SNX29: variants seen among roughly 807,000 people sequenced by gnomAD.
SNX29 encodes the protein sorting nexin-29.
In SNX29, 78 loss-of-function variants were observed where a neutral mutation model predicts 102.1. That is an observed-to-expected ratio of 0.76 (90% CI 0.64 to 0.92). The LOEUF (loss-of-function observed/expected upper bound fraction) is 0.92. Among genes scored for constraint, SNX29 ranks in the 40% least tolerant of loss-of-function variants. The probability of loss-of-function intolerance (pLI) is 0.00; values close to 1 mark genes in which losing one functional copy is unlikely to be tolerated. For synonymous variants in SNX29, 580 were observed against 414.5 expected, an observed-to-expected ratio of 1.40 and a Z score of -4.85; for missense variants, 1,280 against 1,061.7, an observed-to-expected ratio of 1.21 and a Z score of -2.86.
chr16:12,474,064 A>T (rs2087480517), intron 18 of SNX29, among the ~76,000 whole-genome samples: 1 of 151,946 alleles, frequency 6.6e-6, no homozygotes, highest in Non-Finnish European at 1.5e-5. Context: ...TGGGGTCTGG[A>T]TTGGAGCCCC....
At position 12,569,753 on chromosome 16, in the gene SNX29, A is replaced by G. The variant is rs1277457231; in HGVS notation, c.*1124A>G. The G allele has an allele frequency of 8.7e-6, 2 of 230,480 alleles. No individual in the cohort carries two copies. The highest frequency in any genetic ancestry group is 4.4e-5 in the African/African-American group (2 of 45,178). 14.3% of individuals were successfully genotyped at this position (230,480 alleles called of 1,614,324 possible). Reference sequence around the variant, plus strand: ...AGCCCCCAGGGCTCCTCCTCCAGTGAGCTCACATCAGAGCACCTCACAGAG... The same window carrying G: ...AGCCCCCAGGGCTCCTCCTCCAGTGGGCTCACATCAGAGCACCTCACAGAG... On this transcript the variant is annotated 3_prime_UTR_variant, in exon 21 of 21. Coordinates refer to ENST00000566228, the MANE Select transcript of SNX29 (RefSeq NM_032167.5).
chr16:12,214,642 G>C (rs1482385401), intron 14 of SNX29, among the ~76,000 whole-genome samples: 1 of 151,972 alleles, frequency 6.6e-6, no homozygotes, highest in African/African-American at 2.4e-5. Context: ...CTCCTGGTCT[G>C]GGCTTAATTC....
chr16:12,059,739 A>T (rs967013696), intron 8 of SNX29, among the ~76,000 whole-genome samples: 1 of 152,168 alleles, frequency 6.6e-6, no homozygotes, highest in Non-Finnish European at 1.5e-5. Context: ...TGAAGCCTGA[A>T]ATATGTACTC....
chr16:12,173,153 T>G (rs2076185722), intron 13 of SNX29, among the ~76,000 whole-genome samples: 1 of 152,180 alleles, frequency 6.6e-6, no homozygotes, highest in South Asian at 2.1e-4. Context: ...AACCTCTGAT[T>G]GGTGAGTGAC....
intron 16 of SNX29, among the ~76,000 whole-genome samples, chr16:12,373,326 C>A (rs756134563): frequency 6.6e-6 from 1 of 152,118 alleles, no homozygotes; most frequent in Non-Finnish European, 1.5e-5. Flanking sequence ...GATGGGGTTT[C>A]ACTATATGGC....
chr16:12,546,892 G>A (rs999495109), intron 20 of SNX29, among the ~76,000 whole-genome samples: 7 of 152,220 alleles, frequency 4.6e-5, no homozygotes, highest in African/African-American at 1.4e-4. Flanking sequence ...TCCAGGGCTA[G>A]GAGTGCAGCT....
intron 18 of SNX29, among the ~76,000 whole-genome samples, chr16:12,445,173 A>G (rs962935056): frequency 1.3e-4 from 20 of 150,142 alleles, no homozygotes; most frequent in Non-Finnish European, 2.6e-4. Context: ...TTGTTTTTGA[A>G]TAAAGTTTTA....
intron 18 of SNX29, among the ~76,000 whole-genome samples, chr16:12,467,496 T>C (rs1329290450): frequency 6.6e-6 from 1 of 152,104 alleles, no homozygotes; most frequent in Admixed American, 6.5e-5. Context: ...CCTGCTTCTG[T>C]GGGATTGAGA....
intron 1 of SNX29, among the ~76,000 whole-genome samples, chr16:11,986,372 C>CT (rs2055625716): frequency 1.8e-5 from 1 of 57,028 alleles, no homozygotes; most frequent in Non-Finnish European, 4.3e-5. Flanking sequence ...CCTCCTACAA[C>CT]TTAAAAAAAA....
At chr16:12,467,619 C>CGTTTGTTAGTTCGTTCGTTCGTTCGTTT (rs147406133) in intron 18 of SNX29, among the ~76,000 whole-genome samples, 2 of 143,648 alleles carry the variant, frequency 1.4e-5, no homozygotes, top group Non-Finnish European at 3.0e-5. Flanking sequence ...TTTGTTCGTT[C>CGTTTGTTAGTTCGTTCGTTCGTTCGTTT]GTTAGTTCGT....
chr16:12,467,623 A>AGTTT (rs1567594072), intron 18 of SNX29, among the ~76,000 whole-genome samples: 6 of 150,208 alleles, frequency 4.0e-5, no homozygotes, highest in Non-Finnish European at 8.9e-5. Context: ...TTCGTTCGTT[A>AGTTT]GTTCGTTCGT....
intron 18 of SNX29, among the ~76,000 whole-genome samples, chr16:12,469,010 C>G (rs1270359375): frequency 6.6e-6 from 1 of 152,224 alleles, no homozygotes; most frequent in African/African-American, 2.4e-5. Context: ...CCTCAGTTCT[C>G]TCCGAGACAC....
In SNX29 at chr16:12,235,564, T is replaced by TG. The variant is rs552656297; in HGVS notation, c.1678+35881_1678+35882insG. On this transcript the variant is annotated intron_variant, in intron 14 of 20. Transcript: ENST00000566228. The stretch of plus-strand genomic sequence containing the variant: ...TCCATTTTCCCAAGTTACTTTCCTA[T>TG]ATTGATATATTTTCACCTGCCTAAC... 2.4e-3 allele frequency among the ~76,000 whole-genome samples: 366 copies of TG among 150,512 alleles called. 2 individuals are homozygous for TG. The highest frequency in any genetic ancestry group is 9.0e-3 in the African/African-American group (359 of 39,866).
chr16:12,150,367 C>A (rs1013628049), intron 13 of SNX29, among the ~76,000 whole-genome samples: 1 of 152,184 alleles, frequency 6.6e-6, no homozygotes, highest in Non-Finnish European at 1.5e-5. Flanking sequence ...GGATTAGAGT[C>A]TGTCTTCCCG....
At chr16:12,239,782 T>G (rs1480634094) in intron 14 of SNX29, among the ~76,000 whole-genome samples, 1 of 151,620 alleles carries the variant, frequency 6.6e-6, no homozygotes, top group African/African-American at 2.4e-5. Context: ...GTCATGCCAC[T>G]GCACTCCAGC....
chr16:12,344,853 G>A (rs755844248), intron 15 of SNX29, among the ~76,000 whole-genome samples: 7 of 152,234 alleles, frequency 4.6e-5, no homozygotes, highest in Non-Finnish European at 8.8e-5. Context: ...TCCTCTGCAA[G>A]CCAGCCTGTA....
chr16:11,980,777 A>T (rs569212797), intron 1 of SNX29, among the ~76,000 whole-genome samples: 44 of 152,220 alleles, frequency 2.9e-4, no homozygotes, highest in African/African-American at 8.4e-4. Context: ...TCTTGTGCTT[A>T]TTGACCAATT....
Position 12,400,430 on chromosome 16 carries a change from C to T in SNX29, c.1955+1929C>T, listed in dbSNP as rs984966566. On this transcript the variant is annotated intron_variant, in intron 17 of 20. Transcript: ENST00000566228. ...ACCTTCAGAGATGGGTGTCTCCTCA[C>T]GGATGATGAAATTGAGCCGGGTTTC... Among the ~76,000 whole-genome samples, 93 of 152,228 alleles carry T rather than the reference C, an allele frequency of 6.1e-4. 2 individuals carry two copies. Among genetic ancestry groups the T allele is most frequent in the Admixed American group, 5.6e-3 (85 of 15,288 alleles).
intron 18 of SNX29, among the ~76,000 whole-genome samples, chr16:12,461,107 G>A (rs1194023798): frequency 6.6e-6 from 1 of 152,226 alleles, no homozygotes; most frequent in Non-Finnish European, 1.5e-5. Flanking sequence ...CATGTGTGGA[G>A]AGCTTTAGCA....
Sources: allele counts gnomAD v4.1 joint callset (sites outside exome capture counted in the v4.1 genomes callset), GRCh38; gene constraint gnomAD v4.1.1; transcripts MANE v1.5; gene names NCBI Gene and HGNC (gene_info 2026-07-23, HGNC 2026-07-21).